Variants in SYT15B observed in about 807,000 individuals in gnomAD.
SYT15B encodes synaptotagmin 15B, also known as synaptotagmin-15.
the SYT15B span, among the ~76,000 whole-genome samples, chr10:47,749,567 TAAA>T: frequency 6.8e-6 from 1 of 146,306 alleles, no homozygotes; most frequent in African/African-American, 2.5e-5. Context: ...TGGGAAACAA[TAAA>T]AAGTAAAATT....
At chr10:47,751,022 A>G in the SYT15B span, 1 of 146,562 alleles carries the variant, frequency 6.8e-6, no homozygotes, top group Non-Finnish European at 1.5e-5. Flanking sequence ...CTTATTTGTA[A>G]TTAAAAAAAT....
the SYT15B span, among the ~76,000 whole-genome samples, chr10:47,755,048 C>T: frequency 1.4e-5 from 2 of 145,188 alleles, no homozygotes; most frequent in Non-Finnish European, 3.0e-5. Context: ...CCTCTGCCTC[C>T]CGGGTTCAAG....
the SYT15B span, among the ~76,000 whole-genome samples, chr10:47,755,276 G>A: frequency 6.9e-6 from 1 of 144,402 alleles, no homozygotes; most frequent in Non-Finnish European, 1.5e-5. Flanking sequence ...TTTTTTTTGA[G>A]ACGAAGTCTC....
the SYT15B span, chr10:47,751,376 C>A: frequency 1.0e-5 from 1 of 95,446 alleles, no homozygotes; most frequent in African/African-American, 4.0e-5. Flanking sequence ...ACTTTTATTT[C>A]TTTATCTTGT....
chr10:47,756,527 G>C, the SYT15B span, among the ~76,000 whole-genome samples: 2 of 136,782 alleles, frequency 1.5e-5, no homozygotes, highest in Non-Finnish European at 3.1e-5. Flanking sequence ...CTGTTGGGGG[G>C]CTGCTCACTG....
the SYT15B span, chr10:47,752,995 C>A: frequency 7.5e-6 from 1 of 133,474 alleles, no homozygotes; most frequent in Admixed American, 7.6e-5. Context: ...GTAATCCCAG[C>A]TACTTGGGAG....
the SYT15B span, among the ~76,000 whole-genome samples, chr10:47,757,539 G>A: frequency 5.3e-5 from 4 of 75,536 alleles, 2 homozygotes; most frequent in Non-Finnish European, 1.4e-4. Context: ...CCACAGCTAA[G>A]GAGTCACACC....
At chr10:47,747,950 A>C in the SYT15B span, among the ~76,000 whole-genome samples, 4 of 151,868 alleles carry the variant, frequency 2.6e-5, no homozygotes, top group African/African-American at 9.7e-5. Context: ...TTTGAACTGT[A>C]ATATAGGACA....
chr10:47,747,857 T>C, the SYT15B span, among the ~76,000 whole-genome samples: 1 of 151,982 alleles, frequency 6.6e-6, no homozygotes, highest in Non-Finnish European at 1.5e-5. Flanking sequence ...GAAATGGAAA[T>C]TTAAAACTTA....
the SYT15B span, among the ~76,000 whole-genome samples, chr10:47,762,170 T>C: frequency 6.6e-6 from 1 of 150,950 alleles, no homozygotes; most frequent in Admixed American, 6.6e-5. Context: ...CCTAGCCCTC[T>C]ATCAAGGTGA....
At chr10:47,755,615 A>T in the SYT15B span, among the ~76,000 whole-genome samples, 2 of 131,102 alleles carry the variant, frequency 1.5e-5, no homozygotes, top group African/African-American at 5.9e-5. Flanking sequence ...GGTTCAAGAG[A>T]TCCTCCCACC....
At chr10:47,748,085 G>A in the SYT15B span, among the ~76,000 whole-genome samples, 4 of 152,136 alleles carry the variant, frequency 2.6e-5, no homozygotes, top group Admixed American at 1.3e-4. Context: ...TAGAAGGGAG[G>A]AAGATGGGGC....
chr10:47,763,422 G>A, the SYT15B span: 1 of 984,652 alleles, frequency 1.0e-6, no homozygotes, highest in Non-Finnish European at 1.2e-6. Flanking sequence ...TCCGTGAGGG[G>A]CTCTCGTAAG....
chr10:47,748,869 G>GA, the SYT15B span, among the ~76,000 whole-genome samples: 2 of 145,050 alleles, frequency 1.4e-5, no homozygotes, highest in South Asian at 4.5e-4. Flanking sequence ...GTTCCTCAAA[G>GA]AAAAAAGTGT....
At chr10:47,751,272 T>C in the SYT15B span, 14 of 134,466 alleles carry the variant, frequency 1.0e-4, no homozygotes, top group Admixed American at 1.1e-3. Flanking sequence ...TTAGCTCTAG[T>C]AGTTTTTTTG....
the SYT15B span, among the ~76,000 whole-genome samples, chr10:47,745,040 TGGGCGG>T: frequency 3.3e-5 from 5 of 151,806 alleles, no homozygotes; most frequent in African/African-American, 1.2e-4. Context: ...CTCCAGGCAT[TGGGCGG>T]GTAGCAGTGT....
chr10:47,746,666 GA>G, the SYT15B span, among the ~76,000 whole-genome samples: 22 of 138,838 alleles, frequency 1.6e-4, no homozygotes, highest in African/African-American at 5.8e-4. Context: ...CAACAAGAGT[GA>G]AACCCTAAAA....
the SYT15B span, among the ~76,000 whole-genome samples, chr10:47,755,208 G>A: frequency 6.6e-6 from 1 of 151,354 alleles, no homozygotes; most frequent in African/African-American, 2.4e-5. Context: ...ACCCCTCTCG[G>A]TCTCCCAAAG....
At chr10:47,755,413 A>G in the SYT15B span, among the ~76,000 whole-genome samples, 40 of 151,632 alleles carry the variant, frequency 2.6e-4, no homozygotes, top group African/African-American at 8.7e-4. Context: ...CAGCCACCAC[A>G]CCCAGCTAAT....
Sources: allele counts gnomAD v4.1 joint callset (sites outside exome capture counted in the v4.1 genomes callset), GRCh38; gene constraint gnomAD v4.1.1; transcripts MANE v1.5; gene names NCBI Gene and HGNC (gene_info 2026-07-23, HGNC 2026-07-21).